KAZN: variants seen among roughly 807,000 people sequenced by gnomAD.
KAZN encodes the protein kazrin, periplakin interacting protein, also known as kazrin.
A neutral mutation model predicts 87.4 loss-of-function variants in KAZN; 40 were observed. The observed-to-expected ratio is 0.46, with a 90% CI of 0.36 to 0.60. The LOEUF is 0.60. Ranked by LOEUF, KAZN falls within the 20% of genes least tolerant of loss-of-function variation. KAZN has a pLI of 0.00. For missense variants in KAZN, 898 were observed against 1,073.9 expected, an observed-to-expected ratio of 0.84 and a Z score of 2.29; for synonymous variants, 466 against 458.3, an observed-to-expected ratio of 1.02 and a Z score of -0.22.
At chr1:13,943,375 T>G (rs927075077) in intron 1 of KAZN, among the ~76,000 whole-genome samples, 7 of 151,998 alleles carry the variant, frequency 4.6e-5, no homozygotes, top group Non-Finnish European at 8.8e-5. Context: ...GAGGCTGAGG[T>G]GGGAGGATCC....
Position 14,923,656 on chromosome 1 carries a change from T to G in KAZN, c.227-37028T>G, listed in dbSNP as rs1265628946. ...CCTCGCGATCTCCCCCACCAGACGGTGGGTGCACTCAGCATTCCCCTCACT... is the reference window on the plus strand; with the variant it reads ...CCTCGCGATCTCCCCCACCAGACGGGGGGTGCACTCAGCATTCCCCTCACT... On this transcript the variant is annotated intron_variant, in intron 1 of 14. Coordinates refer to ENST00000376030, the MANE Select transcript of KAZN (RefSeq NM_201628.3). The surrounding 1 kb of genome is among the most constrained non-coding windows in gnomAD (Gnocchi z 4.2). Among the ~76,000 whole-genome samples, 1 of 152,098 alleles carries G rather than the reference T, an allele frequency of 6.6e-6. No individual in the cohort carries two copies. The highest frequency in any genetic ancestry group is 1.9e-4 in the East Asian group (1 of 5,172).
rs146386771 is a variant in KAZN, at chr1:14,404,912, G to A, written c.250-194071G>A. On this transcript the variant is annotated intron_variant, in intron 2 of 16. Transcript: ENST00000636203. ...ACACCTGGCATTCTGTCACATCATT[G>A]TAAAGATGAGTGTGGAAGAAGAGCA... is the stretch of plus-strand genomic sequence containing the variant. 5.3e-3 allele frequency among the ~76,000 whole-genome samples: 803 copies of A among 152,306 alleles called. 25 individuals are homozygous for A. Among genetic ancestry groups the A allele is most frequent in the Admixed American group, 0.042 (646 of 15,294 alleles).
At chr1:14,413,402 AAC>A (rs750359758) in intron 2 of KAZN, among the ~76,000 whole-genome samples, 1 of 151,880 alleles carries the variant, frequency 6.6e-6, no homozygotes, top group Non-Finnish European at 1.5e-5. Flanking sequence ...CATCCTGGCT[AAC>A]ACAGTGAAAC....
chr1:14,970,507 C>G (rs577144808), intron 2 of KAZN, among the ~76,000 whole-genome samples: 2 of 152,182 alleles, frequency 1.3e-5, no homozygotes, highest in African/African-American at 4.8e-5. Flanking sequence ...GCTTTTTATG[C>G]AGTAATTTTT....
intron 2 of KAZN, among the ~76,000 whole-genome samples, chr1:14,544,350 C>CTTTTTT (rs374148415): frequency 2.0e-3 from 199 of 98,096 alleles, no homozygotes; most frequent in Admixed American, 3.4e-3. Flanking sequence ...TTCTTTCTTT[C>CTTTTTT]TTTTTTTTTT....
At chr1:14,077,084 C>G (rs1321046161) in intron 1 of KAZN, among the ~76,000 whole-genome samples, 1 of 152,122 alleles carries the variant, frequency 6.6e-6, no homozygotes, top group African/African-American at 2.4e-5. Context: ...CTCTCTTGAC[C>G]AGTTGCTTCC....
chr1:14,599,306 C>G lies in KAZN; in HGVS notation c.226+83C>G, dbSNP rs1676759452. On this transcript the variant is annotated intron_variant, in intron 1 of 14. Coordinates refer to ENST00000376030, the MANE Select transcript of KAZN (RefSeq NM_201628.3). The surrounding 1 kb of genome is among the most constrained non-coding windows in gnomAD (Gnocchi z 4.4). The stretch of plus-strand genomic sequence containing the variant: ...GAGGTGGCCGGGGACCCGGGGTCCC[C>G]CACACCCGGGGCGAAATCGCTTTGC... 1 of 1,252,298 alleles carries G rather than the reference C, an allele frequency of 8.0e-7. No homozygotes were observed. The highest frequency in any genetic ancestry group is 1.6e-5 in the African/African-American group (1 of 63,704). 77.6% of individuals were successfully genotyped at this position (1,252,298 alleles called of 1,614,324 possible). A position where few individuals can be genotyped will look rare whatever the true frequency, so the allele number is the denominator to read the frequency against.
intron 1 of KAZN, among the ~76,000 whole-genome samples, chr1:14,074,697 T>C (rs1234812717): frequency 6.6e-6 from 1 of 152,162 alleles, no homozygotes; most frequent in Non-Finnish European, 1.5e-5. Flanking sequence ...CTCAAGTGTA[T>C]CTAAGGGCTT....
At chr1:14,418,764 G>A (rs557134872) in intron 2 of KAZN, among the ~76,000 whole-genome samples, 8 of 152,182 alleles carry the variant, frequency 5.3e-5, no homozygotes, top group African/African-American at 1.9e-4. Flanking sequence ...TAGCTCTGAA[G>A]CCAGACCCTT....
intron 1 of KAZN, among the ~76,000 whole-genome samples, chr1:14,913,874 C>T (rs1657514359): frequency 6.6e-6 from 1 of 152,218 alleles, no homozygotes; most frequent in Non-Finnish European, 1.5e-5. Context: ...CTCCTGGAGC[C>T]CAGGCAGGTG....
intron 3 of KAZN, among the ~76,000 whole-genome samples, chr1:15,036,606 G>A (rs565239827): frequency 3.9e-5 from 6 of 152,144 alleles, no homozygotes; most frequent in Non-Finnish European, 5.9e-5. Context: ...GGTGCAGCTC[G>A]TGGGCCTGGG....
At chr1:14,927,499 T>G (rs546549582) in intron 1 of KAZN, among the ~76,000 whole-genome samples, 1 of 152,202 alleles carries the variant, frequency 6.6e-6, no homozygotes, top group Non-Finnish European at 1.5e-5. Context: ...AGGTGCTGCT[T>G]AGTTTTTAGG....
intron 1 of KAZN, among the ~76,000 whole-genome samples, chr1:14,829,263 C>T (rs1444072823): frequency 2.6e-5 from 4 of 152,176 alleles, no homozygotes; most frequent in Admixed American, 1.3e-4. Context: ...TTCATTGATT[C>T]CCTCAACACA....
intron 1 of KAZN, among the ~76,000 whole-genome samples, chr1:14,738,483 T>A (rs1437011851): frequency 3.9e-5 from 6 of 152,032 alleles, no homozygotes; most frequent in Non-Finnish European, 7.4e-5. Flanking sequence ...GAAATGGAAT[T>A]GTCTCCAAGC....
chr1:14,205,039 C>T (rs911422293), intron 2 of KAZN, among the ~76,000 whole-genome samples: 1 of 152,230 alleles, frequency 6.6e-6, no homozygotes, highest in Non-Finnish European at 1.5e-5. Flanking sequence ...CAGCTGGTCA[C>T]TCAGGGAGCC....
chr1:14,017,628 A>G (rs1001988125), intron 1 of KAZN, among the ~76,000 whole-genome samples: 1 of 152,222 alleles, frequency 6.6e-6, no homozygotes, highest in East Asian at 1.9e-4. Context: ...ATGCTTCACC[A>G]GGCTGCAGAG....
intron 2 of KAZN, among the ~76,000 whole-genome samples, chr1:14,212,082 T>C (rs910971060): frequency 6.6e-6 from 1 of 152,202 alleles, no homozygotes; most frequent in African/African-American, 2.4e-5. Flanking sequence ...CGGCTTTCAC[T>C]CCTTCCATTG....
chr1:13,944,236 G>T (rs994564164), intron 1 of KAZN, among the ~76,000 whole-genome samples: 1 of 152,188 alleles, frequency 6.6e-6, no homozygotes, highest in Non-Finnish European at 1.5e-5. Context: ...GATGAACGTT[G>T]AAAATAGCAC....
chr1:14,809,590 C>T (rs527458193), intron 1 of KAZN, among the ~76,000 whole-genome samples: 129 of 152,238 alleles, frequency 8.5e-4, no homozygotes, highest in South Asian at 3.7e-3. Context: ...AAAGTATTTC[C>T]GAATACAATT....
Sources: gnomAD v4.1 joint callset for allele counts (sites outside exome capture counted in the v4.1 genomes callset) on GRCh38, gnomAD v4.1.1 for gene constraint, Gnocchi (gnomAD v3.1) non-coding constraint, MANE v1.5 for transcripts, NCBI Gene and HGNC (gene_info 2026-07-23, HGNC 2026-07-21) for gene names.